CACNA1C: variants seen among roughly 807,000 people sequenced by gnomAD.
The protein encoded by CACNA1C is calcium voltage-gated channel subunit alpha1 C.
Under a neutral mutation model 229.0 loss-of-function variants are expected in CACNA1C, and 30 were observed. That is an observed-to-expected ratio of 0.13 (90% CI 0.10 to 0.18). The LOEUF (loss-of-function observed/expected upper bound fraction) is 0.18. CACNA1C is among the 10% of genes least tolerant of loss of function. The pLI, the probability that CACNA1C is intolerant of heterozygous loss-of-function variation, is 1.00. For missense variants in CACNA1C, 1,658 were observed against 2,845.0 expected (o/e 0.58, Z 9.49); for synonymous variants, 1,114 against 1,132.5 (o/e 0.98, Z 0.33).
At chr12:2,032,713 G>C (rs1398619041) in intron 1 of CACNA1C, among the ~76,000 whole-genome samples, 1 of 152,228 alleles carries the variant, frequency 6.6e-6, no homozygotes, top group African/African-American at 2.4e-5. Flanking sequence ...AGGCAGCTCA[G>C]AACATCAGCA....
At chr12:2,490,511 A>G (rs2099718702) in intron 6 of CACNA1C, among the ~76,000 whole-genome samples, 1 of 152,182 alleles carries the variant, frequency 6.6e-6, no homozygotes, top group Non-Finnish European at 1.5e-5. Context: ...TCATTCCAGT[A>G]CTTTTATCAC....
At chr12:2,242,303 T>C (rs1167446010) in intron 3 of CACNA1C, among the ~76,000 whole-genome samples, 2 of 152,148 alleles carry the variant, frequency 1.3e-5, no homozygotes, top group African/African-American at 4.8e-5. Context: ...CTCACTTCCA[T>C]TGCTACACAG....
chr12:2,492,576 C>T (rs16929470), intron 6 of CACNA1C, among the ~76,000 whole-genome samples: 6,939 of 152,306 alleles, frequency 0.046, 191 homozygotes, highest in East Asian at 0.14. Flanking sequence ...AGTCAGAGTC[C>T]GTTTTCCGTC....
intron 5 of CACNA1C, among the ~76,000 whole-genome samples, chr12:2,459,553 A>C (rs2154565397): frequency 6.6e-6 from 1 of 152,336 alleles, no homozygotes; most frequent in Non-Finnish European, 1.5e-5. Context: ...CAATTAAAGC[A>C]GACTTTCTCT....
chr12:2,554,043 C>T (rs2042751612), intron 10 of CACNA1C, among the ~76,000 whole-genome samples: 1 of 152,106 alleles, frequency 6.6e-6, no homozygotes, highest in South Asian at 2.1e-4. Context: ...TGGGACAATT[C>T]AGGGAAATAC....
intron 11 of CACNA1C, among the ~76,000 whole-genome samples, chr12:2,561,416 G>A (rs916957043): frequency 1.3e-5 from 2 of 152,238 alleles, no homozygotes; most frequent in Non-Finnish European, 2.9e-5. Flanking sequence ...TGTGAGCGCT[G>A]TGCTAGCTAC....
rs1002973018 is a variant in CACNA1C, at chr12:2,181,828, G to A, written c.477+61398G>A. ...GCTTAGCGAGGGTAAGTAATGGACTGCAAGGACACTCTGTCTCTGGCCCAG... is the reference window on the plus strand; with the variant it reads ...GCTTAGCGAGGGTAAGTAATGGACTACAAGGACACTCTGTCTCTGGCCCAG... On this transcript the variant is annotated intron_variant, in intron 3 of 46. Transcript: ENST00000399655. This position sits in a 1 kb window ranked among gnomAD's most constrained non-coding sequence, Gnocchi z 4.0. Among the ~76,000 whole-genome samples the A allele has an allele frequency of 6.6e-6, 1 of 152,100 alleles. No homozygotes were observed. The highest frequency in any genetic ancestry group is 1.5e-5 in the Non-Finnish European group (1 of 68,012).
chr12:2,019,035 A>G (rs981238798), intron 1 of CACNA1C, among the ~76,000 whole-genome samples: 2 of 152,162 alleles, frequency 1.3e-5, no homozygotes, highest in South Asian at 4.1e-4. Context: ...GGCTGCTGTT[A>G]AAGGGGAAAA....
Position 2,216,781 on chromosome 12 carries a change from GT to G in CACNA1C, c.477+96354del, listed in dbSNP as rs2060088311. Among the ~76,000 whole-genome samples the G allele has an allele frequency of 2.0e-5, 3 of 152,316 alleles. No homozygotes were observed. The South Asian group carries it at 6.2e-4, about 32-fold the overall frequency. ...AGGCAGCCAGGGTTGAGAACCACTGGTTTAGAGGTGTTTAAAGACAGAAGGC... is the reference window on the plus strand; with the variant it reads ...AGGCAGCCAGGGTTGAGAACCACTGGTTAGAGGTGTTTAAAGACAGAAGGC... On this transcript the variant is annotated intron_variant, in intron 3 of 46. Coordinates refer to ENST00000399655, the MANE Select transcript of CACNA1C (RefSeq NM_000719.7).
chr12:2,051,541 A>G (rs933312109), upstream of CACNA1C, among the ~76,000 whole-genome samples: 1 of 152,148 alleles, frequency 6.6e-6, no homozygotes, highest in Admixed American at 6.5e-5. Context: ...GCCACAGGAG[A>G]AACCTGGGTG....
chr12:2,343,274 A>C (rs919994530), intron 3 of CACNA1C, among the ~76,000 whole-genome samples: 3 of 152,216 alleles, frequency 2.0e-5, no homozygotes, highest in Non-Finnish European at 4.4e-5. Flanking sequence ...TCTCCTTTGG[A>C]GACAGTGTTT....
chr12:2,578,506 G>A lies in CACNA1C; in HGVS notation c.1896-3084G>A, dbSNP rs2059377927. ...TGGGCCTCACCTCATAGCAACACCC[G>A]CTGCTGCTGCAGCTTGGACATCAGC... On this transcript the variant is annotated intron_variant, in intron 13 of 46. Coordinates refer to ENST00000399655, the MANE Select transcript of CACNA1C (RefSeq NM_000719.7). 5.3e-5 allele frequency among the ~76,000 whole-genome samples: 8 copies of A among 152,270 alleles called. No individual in the cohort carries two copies. The South Asian group carries it at 1.5e-3, about 28-fold the overall frequency.
At chr12:2,368,692 A>G (rs1235811977) in intron 3 of CACNA1C, among the ~76,000 whole-genome samples, 1 of 152,224 alleles carries the variant, frequency 6.6e-6, no homozygotes, top group Non-Finnish European at 1.5e-5. Flanking sequence ...AAATCTTTCC[A>G]AATTAATTCA....
At chr12:2,273,863 G>T (rs1323500988) in intron 3 of CACNA1C, among the ~76,000 whole-genome samples, 1 of 152,216 alleles carries the variant, frequency 6.6e-6, no homozygotes, top group African/African-American at 2.4e-5. Context: ...GTTTCCCTCA[G>T]TGCAAATGCC....
At chr12:2,331,324 A>C (rs764143749) in intron 3 of CACNA1C, among the ~76,000 whole-genome samples, 1 of 152,240 alleles carries the variant, frequency 6.6e-6, no homozygotes, top group Non-Finnish European at 1.5e-5. Flanking sequence ...GAAAGGACTT[A>C]GAAATAATGA....
At chr12:2,106,601 G>A (rs2078792134) in intron 1 of CACNA1C, among the ~76,000 whole-genome samples, 2 of 115,532 alleles carry the variant, frequency 1.7e-5, no homozygotes, top group Non-Finnish European at 3.8e-5. Context: ...CCCTGGAGAG[G>A]GTTTCCACCT....
intron 3 of CACNA1C, among the ~76,000 whole-genome samples, chr12:2,298,979 T>G (rs1592067362): frequency 6.6e-6 from 1 of 152,206 alleles, no homozygotes; most frequent in East Asian, 1.9e-4. Flanking sequence ...GTGGTCTGTT[T>G]TATTTACTCT....
intron 3 of CACNA1C, among the ~76,000 whole-genome samples, chr12:2,289,306 A>G (rs767089131): frequency 6.6e-5 from 10 of 152,174 alleles, no homozygotes; most frequent in Non-Finnish European, 1.5e-4. Flanking sequence ...TTGAGGCACT[A>G]TGCCCAATAG....
chr12:2,608,406 C>A lies in CACNA1C; in HGVS notation c.3357-105C>A. On this transcript the variant is annotated intron_variant, in intron 26 of 46. Transcript: ENST00000399655. The surrounding 1 kb of genome is among the most constrained non-coding windows in gnomAD (Gnocchi z 4.2). ...AGCTGGGACTCCAGCCCAGAGCTGTCTCCTGCACCCTGATCCCTGGGATCC... is the reference window on the plus strand; with the variant it reads ...AGCTGGGACTCCAGCCCAGAGCTGTATCCTGCACCCTGATCCCTGGGATCC... The A allele has an allele frequency of 1.2e-6, 1 of 830,644 alleles. No individual in the cohort carries two copies. The highest frequency in any genetic ancestry group is 1.9e-6 in the Non-Finnish European group (1 of 536,082). The allele number at this position is 830,644 out of a possible 1,614,324, so 51.5% of individuals were successfully genotyped here. A position where few individuals can be genotyped will look rare whatever the true frequency, so the allele number is the denominator to read the frequency against.
Sources: gnomAD v4.1 joint callset for allele counts (sites outside exome capture counted in the v4.1 genomes callset) on GRCh38, gnomAD v4.1.1 for gene constraint, Gnocchi (gnomAD v3.1) non-coding constraint, MANE v1.5 for transcripts, NCBI Gene and HGNC (gene_info 2026-07-23, HGNC 2026-07-21) for gene names.